The following CREM variants were observed in gnomAD, a reference collection of about 807,000 sequenced individuals.
CREM encodes the protein cAMP-responsive element modulator.
A neutral mutation model predicts 37.3 loss-of-function variants in CREM; 13 were observed. That is an observed-to-expected ratio of 0.35 (90% confidence interval 0.23 to 0.55). The LOEUF (loss-of-function observed/expected upper bound fraction) is 0.55, where lower values mean the gene tolerates loss of function less well. Among genes scored for constraint, CREM ranks in the 20% least tolerant of loss-of-function variants. CREM has a pLI of 0.88. For missense variants in CREM, 296 were observed against 362.3 expected (o/e 0.82, Z 1.49); for synonymous variants, 124 against 120.2 (o/e 1.03, Z -0.21).
At chr10:35,137,265 G>A (rs949066441) in intron 1 of CREM, among the ~76,000 whole-genome samples, 10 of 152,136 alleles carry the variant, frequency 6.6e-5, no homozygotes, top group Admixed American at 3.3e-4. Flanking sequence ...TCAGAAGGAC[G>A]TTTTGAATAA....
intron 3 of CREM, among the ~76,000 whole-genome samples, chr10:35,155,478 A>C (rs1371340763): frequency 6.6e-6 from 1 of 152,218 alleles, no homozygotes; most frequent in Non-Finnish European, 1.5e-5. Flanking sequence ...AACTACACTT[A>C]AACAGTGAAT....
At chr10:35,169,822 A>G (rs1166032345) in intron 3 of CREM, among the ~76,000 whole-genome samples, 4 of 152,074 alleles carry the variant, frequency 2.6e-5, no homozygotes, top group East Asian at 1.9e-4. Context: ...AATTTTGTCA[A>G]AGGCCTTTTC....
intron 3 of CREM, chr10:35,171,206 CTG>C (rs2093804684): frequency 8.2e-6 from 1 of 121,986 alleles, no homozygotes; most frequent in African/African-American, 3.2e-5. Flanking sequence ...CAGTCTCGCT[CTG>C]TCATCCAGGC....
intron 2 of CREM, among the ~76,000 whole-genome samples, chr10:35,141,624 C>T (rs2091443295): frequency 6.6e-6 from 1 of 152,118 alleles, no homozygotes; most frequent in Non-Finnish European, 1.5e-5. Context: ...GAGGTTCCTG[C>T]AGGACATGTG....
At chr10:35,201,444 T>C (rs1395713304) in intron 6 of CREM, 1 of 1,551,414 alleles carries the variant, frequency 6.4e-7, no homozygotes, top group East Asian at 2.4e-5. Flanking sequence ...GTATCCCCAT[T>C]TTACAGATGA....
At chr10:35,196,714 G>A (rs1349129551) in intron 6 of CREM, among the ~76,000 whole-genome samples, 1 of 152,056 alleles carries the variant, frequency 6.6e-6, no homozygotes, top group African/African-American at 2.4e-5. Flanking sequence ...ATGATTCTTA[G>A]AACCAGAAGG....
In CREM at chr10:35,212,696, C is replaced by A. The variant is rs1046317629; in HGVS notation, c.*1298C>A. On this transcript the variant is annotated 3_prime_UTR_variant, in exon 8 of 8. Transcript: ENST00000685392. ...TTTCGGCCTTCATAATGGCCTGAGA[C>A]TTTCTTTCTGTAGGTGGTCTGGAGC... 9 of 152,748 alleles carry A rather than the reference C, an allele frequency of 5.9e-5. No homozygotes were observed. The highest frequency in any genetic ancestry group is 2.2e-4 in the African/African-American group (9 of 41,568). The allele number at this position is 152,748 out of a possible 1,614,324, so 9.5% of individuals were successfully genotyped here.
chr10:35,134,168 T>C (rs1393929997), intron 1 of CREM, among the ~76,000 whole-genome samples: 1 of 151,512 alleles, frequency 6.6e-6, no homozygotes, highest in Non-Finnish European at 1.5e-5. Flanking sequence ...TGCCTCAGCC[T>C]CCAGAGTAGC....
At chr10:35,202,260 A>G (rs1225789249) in intron 6 of CREM, among the ~76,000 whole-genome samples, 2 of 152,190 alleles carry the variant, frequency 1.3e-5, no homozygotes, top group Non-Finnish European at 2.9e-5. Context: ...AGAATGCAGG[A>G]TGGTCTTTGA....
In CREM at chr10:35,160,281, G is replaced by A. The variant is rs143088435; in HGVS notation, c.168+11790G>A. ...AAATACGGTATCAAAGATAAAAATG[G>A]CACATCTGTATAGGGCACAAAACCA... On this transcript the variant is annotated intron_variant, in intron 3 of 7. Transcript: ENST00000685392. Among the ~76,000 whole-genome samples the A allele has an allele frequency of 2.4e-4, 37 of 152,288 alleles. No individual in the cohort carries two copies. In the East Asian group the frequency reaches 4.6e-3, roughly 19 times the overall value.
rs1184390626 is a variant in CREM, at chr10:35,180,345, A to T, written c.409+1069A>T. The stretch of plus-strand genomic sequence containing the variant: ...AAAAGTAGCAATACCAAGAAAAAAA[A>T]ACTCAAGTCTTAATTTAAGTCCTGA... On this transcript the variant is annotated intron_variant, in intron 5 of 7. Coordinates refer to ENST00000685392, the MANE Select transcript of CREM (RefSeq NM_183011.2). Among the ~76,000 whole-genome samples the T allele has an allele frequency of 3.9e-5, 6 of 152,350 alleles. No individual in the cohort carries two copies. In the East Asian group the frequency reaches 9.6e-4, roughly 24 times the overall value.
chr10:35,143,644 G>C (rs2091728701), intron 2 of CREM, among the ~76,000 whole-genome samples: 1 of 152,152 alleles, frequency 6.6e-6, no homozygotes, highest in Admixed American at 6.5e-5. Flanking sequence ...TTTACATCAG[G>C]GGCCAGAGTC....
At chr10:35,195,923 T>G (rs754697488) in intron 6 of CREM, 1 of 744,832 alleles carries the variant, frequency 1.3e-6, no homozygotes, top group Non-Finnish European at 2.2e-6. Context: ...CTGACAGATT[T>G]AGAGTTAACT....
At chr10:35,136,448 CA>C (rs1191208116) in intron 1 of CREM, among the ~76,000 whole-genome samples, 1 of 152,120 alleles carries the variant, frequency 6.6e-6, no homozygotes, top group Non-Finnish European at 1.5e-5. Flanking sequence ...GTGTAGCATA[CA>C]ATGAGGTTTG....
At chr10:35,180,807 C>T (rs552214215) in intron 5 of CREM, among the ~76,000 whole-genome samples, 1 of 152,314 alleles carries the variant, frequency 6.6e-6, no homozygotes, top group South Asian at 2.1e-4. Context: ...AGTGCCTCGT[C>T]CCCCCGTCCC....
intron 6 of CREM, among the ~76,000 whole-genome samples, chr10:35,189,497 T>C (rs1256782246): frequency 6.6e-6 from 1 of 151,950 alleles, no homozygotes; most frequent in Non-Finnish European, 1.5e-5. Context: ...TGCTTGTTTG[T>C]TTGTTTGTTT....
rs1048287220 is a variant in CREM at position 35,180,007 on chromosome 10, G to A, written c.409+731G>A. Among the ~76,000 whole-genome samples the A allele has an allele frequency of 7.9e-5, 12 of 152,162 alleles. No individual in the cohort carries two copies. In the South Asian group the frequency reaches 1.2e-3, roughly 16 times the overall value. On this transcript the variant is annotated intron_variant, in intron 5 of 7. Coordinates refer to ENST00000685392, the MANE Select transcript of CREM (RefSeq NM_183011.2). Reference sequence around the variant, plus strand: ...TAGGGATATCACATATCCTAAGCTAGCCCCTTAGGTACTGGAATAATGTGA... The same window carrying A: ...TAGGGATATCACATATCCTAAGCTAACCCCTTAGGTACTGGAATAATGTGA...
At chr10:35,159,355 A>G (rs916281620) in intron 3 of CREM, among the ~76,000 whole-genome samples, 4 of 152,186 alleles carry the variant, frequency 2.6e-5, no homozygotes, top group African/African-American at 4.8e-5. Context: ...TTAAAACTGC[A>G]TGGTACCAGC....
At chr10:35,168,670 C>G (rs1445539040) in intron 3 of CREM, among the ~76,000 whole-genome samples, 2 of 152,128 alleles carry the variant, frequency 1.3e-5, no homozygotes, top group African/African-American at 2.4e-5. Flanking sequence ...GAAGTCCTTG[C>G]CCATGCCTAT....
Sources: allele counts gnomAD v4.1 joint callset (sites outside exome capture counted in the v4.1 genomes callset), GRCh38; gene constraint gnomAD v4.1.1; transcripts MANE v1.5; gene names NCBI Gene and HGNC (gene_info 2026-07-23, HGNC 2026-07-21).